EDAR: variants seen among roughly 807,000 people sequenced by gnomAD.
EDAR encodes the protein tumor necrosis factor receptor superfamily member EDAR.
In EDAR, 38 loss-of-function variants were observed where a neutral mutation model predicts 51.3. The ratio of observed to expected loss-of-function variants is 0.74; its 90% confidence interval spans 0.57 to 0.97. EDAR has a LOEUF of 0.97. Ranked by LOEUF, EDAR falls within the 50% of genes least tolerant of loss-of-function variation. The pLI is 0.00. For missense variants in EDAR, 528 were observed against 595.0 expected, an observed-to-expected ratio of 0.89 and a Z score of 1.17; for synonymous variants, 227 against 242.1, an observed-to-expected ratio of 0.94 and a Z score of 0.58.
intron 1 of EDAR, among the ~76,000 whole-genome samples, chr2:108,982,863 A>G (rs540372261): frequency 2.6e-5 from 4 of 152,336 alleles, no homozygotes; most frequent in African/African-American, 9.6e-5. Context: ...GGCGGGGTTC[A>G]CAGTGGCCAC....
chr2:108,930,159 C>G lies in EDAR; in HGVS notation c.135G>C (p.Gln45His), dbSNP rs760505975. 5.0e-6 allele frequency: 8 copies of G among 1,614,040 alleles called. No individual in the cohort carries two copies. In the Admixed American group the frequency reaches 1.3e-4, roughly 27 times the overall value. The change falls in exon 3 of 12, where the codon CAG becomes CAC. Residue 45 changes from glutamine to histidine, a missense_variant. Transcript: ENST00000258443. Reference protein sequence around the residue: ...EYYNQTTGLCQECPPCGPGEE... With the variant: ...EYYNQTTGLCHECPPCGPGEE... ...CTCCCGGCCCACACGGGGGGCACTC[C>G]TGGCACAGCCCCGTAGTCTGGTTGT...
intron 4 of EDAR, among the ~76,000 whole-genome samples, chr2:108,928,412 TG>T (rs1697298467): frequency 6.6e-6 from 1 of 152,114 alleles, no homozygotes; most frequent in African/African-American, 2.4e-5. Flanking sequence ...CACTAAGCTG[TG>T]GTCACCTCCC....
chr2:108,907,449 C>T (rs1016527377), intron 10 of EDAR, among the ~76,000 whole-genome samples: 14 of 152,014 alleles, frequency 9.2e-5, no homozygotes, highest in Non-Finnish European at 1.9e-4. Context: ...AGTTTGAGAG[C>T]AGCCTGGGCA....
intron 1 of EDAR, among the ~76,000 whole-genome samples, chr2:108,949,144 A>AT (rs202049372): frequency 1.3e-3 from 202 of 151,606 alleles, no homozygotes; most frequent in African/African-American, 4.5e-3. Flanking sequence ...TGCCTGGGTA[A>AT]TTTTTTTTGT....
chr2:108,940,713 G>A (rs895095174), intron 1 of EDAR, among the ~76,000 whole-genome samples: 13 of 152,242 alleles, frequency 8.5e-5, no homozygotes, highest in South Asian at 4.1e-4. Flanking sequence ...ACGCGATGAC[G>A]TGGGTCTGAA....
At chr2:108,959,215 G>A (rs1324452673) in intron 1 of EDAR, among the ~76,000 whole-genome samples, 4 of 152,250 alleles carry the variant, frequency 2.6e-5, no homozygotes, top group African/African-American at 9.6e-5. Context: ...TAAAGCTGAT[G>A]GGGCCATTGC....
chr2:108,946,467 T>C (rs1368160740), intron 1 of EDAR, among the ~76,000 whole-genome samples: 1 of 152,196 alleles, frequency 6.6e-6, no homozygotes, highest in Non-Finnish European at 1.5e-5. Flanking sequence ...AAAAGTTGGC[T>C]CTCTGGCCAA....
At chr2:108,935,658 A>G (rs1437948711) in intron 1 of EDAR, among the ~76,000 whole-genome samples, 3 of 152,058 alleles carry the variant, frequency 2.0e-5, no homozygotes, top group Admixed American at 1.3e-4. Context: ...ACACACACAC[A>G]CACGCAGACT....
At chr2:108,920,379 G>C (rs874594) in intron 5 of EDAR, among the ~76,000 whole-genome samples, 61,472 of 152,066 alleles carry the variant, frequency 0.4, 13,817 homozygotes, top group Middle Eastern at 0.53. Context: ...CAGGGCAACG[G>C]GTTGACCTCC....
chr2:108,929,167 G>T, intron 4 of EDAR, 31 bp downstream of exon 4: 2 of 1,612,946 alleles, frequency 1.2e-6, no homozygotes, highest in Non-Finnish European at 1.7e-6. Context: ...CAGAAAGCAT[G>T]CCAGGGTTTG....
chr2:108,919,363 ATTTAT>A (rs960034383), intron 5 of EDAR, among the ~76,000 whole-genome samples: 2 of 151,914 alleles, frequency 1.3e-5, no homozygotes, highest in Admixed American at 6.6e-5. Context: ...CTTTTTATTT[ATTTAT>A]TTATTTAGAG....
chr2:108,980,680 T>C (rs540011553), intron 1 of EDAR, among the ~76,000 whole-genome samples: 22 of 152,106 alleles, frequency 1.4e-4, no homozygotes, highest in Non-Finnish European at 2.8e-4. Flanking sequence ...CGTGTTAGCA[T>C]AGACCTGAAG....
chr2:108,921,105 C>CT (rs1244218383), intron 5 of EDAR, among the ~76,000 whole-genome samples: 2 of 152,212 alleles, frequency 1.3e-5, no homozygotes, highest in African/African-American at 4.8e-5. Context: ...AATCACCCCC[C>CT]TGAAACCCTC....
At chr2:108,973,457 A>G (rs991172318) in intron 1 of EDAR, among the ~76,000 whole-genome samples, 10 of 152,080 alleles carry the variant, frequency 6.6e-5, no homozygotes, top group Admixed American at 4.6e-4. Context: ...TCCTGCCTTC[A>G]TTTCTCCTGC....
At chr2:108,938,034 T>G (rs1163481020) in intron 1 of EDAR, among the ~76,000 whole-genome samples, 2 of 147,866 alleles carry the variant, frequency 1.4e-5, no homozygotes, top group African/African-American at 5.1e-5. Context: ...ACTTATTTAC[T>G]TCTAGATTTT....
At chr2:108,908,107 C>T in intron 9 of EDAR, 88 bp from the exon 10 acceptor site, 1 of 1,403,288 alleles carries the variant, frequency 7.1e-7, no homozygotes, top group Non-Finnish European at 9.6e-7. Context: ...GTCCATTGCC[C>T]AGCTGTGGAC....
chr2:108,958,552 C>G (rs903243786), intron 1 of EDAR, among the ~76,000 whole-genome samples: 2 of 152,138 alleles, frequency 1.3e-5, no homozygotes, highest in Admixed American at 6.5e-5. Context: ...CCAGGACGCA[C>G]AGTAGAGAGG....
At chr2:108,966,170 C>A (rs930634194) in intron 1 of EDAR, among the ~76,000 whole-genome samples, 4 of 152,184 alleles carry the variant, frequency 2.6e-5, no homozygotes, top group African/African-American at 9.7e-5. Context: ...TCCTCCTGGT[C>A]TTTTATTGCC....
chr2:108,935,078 C>T (rs540328453), intron 1 of EDAR, among the ~76,000 whole-genome samples: 103 of 152,320 alleles, frequency 6.8e-4, no homozygotes, highest in Non-Finnish European at 1.2e-3. Flanking sequence ...TATAAGAGAC[C>T]GCATGACCAG....
Sources: allele counts gnomAD v4.1 joint callset (sites outside exome capture counted in the v4.1 genomes callset), GRCh38; gene constraint gnomAD v4.1.1; transcripts MANE v1.5; gene names NCBI Gene and HGNC (gene_info 2026-07-23, HGNC 2026-07-21).